LDLRAD3: variants seen among roughly 807,000 people sequenced by gnomAD.
LDLRAD3 encodes the protein low density lipoprotein receptor class A domain containing 3.
In LDLRAD3, 20 loss-of-function variants were observed where a neutral mutation model predicts 29.4. The observed-to-expected ratio is 0.68, with a 90% CI of 0.48 to 0.99. The LOEUF (loss-of-function observed/expected upper bound fraction) is 0.99. Among genes scored for constraint, LDLRAD3 ranks in the 50% least tolerant of loss-of-function variants. The probability of loss-of-function intolerance (pLI) is 0.00; values close to 1 mark genes in which losing one functional copy is unlikely to be tolerated. For synonymous variants in LDLRAD3, 157 were observed against 192.7 expected, an observed-to-expected ratio of 0.81 and a Z score of 1.53; for missense variants, 420 against 454.3, an observed-to-expected ratio of 0.92 and a Z score of 0.69.
rs538620933 is a variant in LDLRAD3, at chr11:36,085,436, T to A, written c.319+3658T>A. Among the ~76,000 whole-genome samples, 10 of 152,172 alleles carry A rather than the reference T, an allele frequency of 6.6e-5. No homozygotes were observed. In the East Asian group the frequency reaches 1.7e-3, roughly 26 times the overall value. Reference sequence around the variant, plus strand: ...TTGAGTTTATCCTGTTAGGGTTCTCTGAGCTATTTGAATCTGTAGGTTTTT... The same window carrying A: ...TTGAGTTTATCCTGTTAGGGTTCTCAGAGCTATTTGAATCTGTAGGTTTTT... On this transcript the variant is annotated intron_variant, in intron 3 of 5. Transcript: ENST00000315571.
chr11:36,127,439 C>T (rs1264844097), intron 4 of LDLRAD3, among the ~76,000 whole-genome samples: 1 of 152,178 alleles, frequency 6.6e-6, no homozygotes. Context: ...CTCAGTTTCA[C>T]CATCTGTAAA....
chr11:36,140,498 G>A (rs999851248), intron 4 of LDLRAD3, among the ~76,000 whole-genome samples: 4 of 152,192 alleles, frequency 2.6e-5, no homozygotes, highest in African/African-American at 7.2e-5. Flanking sequence ...GCACTATCAC[G>A]GTTCACTGCA....
chr11:36,092,422 A>G (rs1325806160), intron 3 of LDLRAD3, among the ~76,000 whole-genome samples: 1 of 152,138 alleles, frequency 6.6e-6, no homozygotes, highest in East Asian at 1.9e-4. Flanking sequence ...AGTGCAGTAC[A>G]TTTTTGTTAA....
At chr11:36,139,808 G>A (rs1854054629) in intron 4 of LDLRAD3, among the ~76,000 whole-genome samples, 1 of 152,186 alleles carries the variant, frequency 6.6e-6, no homozygotes, top group South Asian at 2.1e-4. Flanking sequence ...CTTTGAGAAT[G>A]GATGTTGGGA....
In LDLRAD3 at chr11:36,213,035, T is replaced by G. The variant is rs1429439269; in HGVS notation, c.455-14050T>G. Reference sequence around the variant, plus strand: ...AGTTTAGAACTTTCTTCTCTCTCTGTCTCTCTCTCCCCCACCCCTCTCTTT... The same window carrying G: ...AGTTTAGAACTTTCTTCTCTCTCTGGCTCTCTCTCCCCCACCCCTCTCTTT... On this transcript the variant is annotated intron_variant, in intron 4 of 5. Transcript: ENST00000315571. This position sits in a 1 kb window ranked among gnomAD's most constrained non-coding sequence, Gnocchi z 4.1. Among the ~76,000 whole-genome samples, 3 of 146,536 alleles carry G rather than the reference T, an allele frequency of 2.0e-5. No homozygotes were observed. The highest frequency in any genetic ancestry group is 5.5e-5 in the African/African-American group (2 of 36,558).
intron 4 of LDLRAD3, chr11:36,197,113 T>G (rs775112936): frequency 6.6e-6 from 1 of 152,184 alleles, no homozygotes; most frequent in Non-Finnish European, 1.5e-5. Flanking sequence ...ACATTAGGAC[T>G]TGTGTGAACC....
intron 4 of LDLRAD3, among the ~76,000 whole-genome samples, chr11:36,149,828 CTGTTCCTCATGACTCATGAATG>C: frequency 6.6e-6 from 1 of 152,300 alleles, no homozygotes; most frequent in South Asian, 2.1e-4. Flanking sequence ...GGCTCTGCGT[CTGTTCCTCATGACTCATGAATG>C]TGTTCCTCAT....
chr11:36,199,185 C>T (rs1484691210), intron 4 of LDLRAD3, among the ~76,000 whole-genome samples: 1 of 152,082 alleles, frequency 6.6e-6, no homozygotes, highest in Non-Finnish European at 1.5e-5. Flanking sequence ...CAGGCGTGAG[C>T]CACTGCGCCC....
At chr11:36,021,208 T>G (rs1852090281) in intron 1 of LDLRAD3, among the ~76,000 whole-genome samples, 1 of 152,098 alleles carries the variant, frequency 6.6e-6, no homozygotes. Context: ...GGAAGAGAAC[T>G]GAATTGGCGG....
chr11:36,191,403 C>A (rs1008260401), intron 4 of LDLRAD3, among the ~76,000 whole-genome samples: 1 of 151,364 alleles, frequency 6.6e-6, no homozygotes, highest in Non-Finnish European at 1.5e-5. Context: ...TATAGCTGGG[C>A]GTGGTGGTGC....
At position 36,227,355 on chromosome 11, in the gene LDLRAD3, T is replaced by A. The variant is rs1455833747; in HGVS notation, c.725T>A (p.Val242Glu). 97 of 1,613,970 alleles carry A rather than the reference T, an allele frequency of 6.0e-5. No homozygotes were observed. Among genetic ancestry groups the A allele is most frequent in the Non-Finnish European group, 8.1e-5 (95 of 1,180,004 alleles). The change falls in exon 5 of 6, where the codon GTG becomes GAG. Residue 242 changes from valine (V) to glutamate (E), a missense_variant. Transcript: ENST00000315571. ...TYNVNNGIQY[V>E]ASQAEQNASE... is the part of the protein sequence containing the mutation. ...AACGTCAATAATGGCATCCAGTATG[T>A]GGCCAGCCAGGCGGAGCAGAATGCG...
At chr11:36,035,652 G>A (rs1029193025) in intron 1 of LDLRAD3, among the ~76,000 whole-genome samples, 25 of 152,064 alleles carry the variant, frequency 1.6e-4, no homozygotes, top group African/African-American at 5.8e-4. Flanking sequence ...CTTCCAACTT[G>A]GCCCAACTTC....
chr11:36,078,411 C>G (rs1853052366), intron 2 of LDLRAD3, among the ~76,000 whole-genome samples: 1 of 152,216 alleles, frequency 6.6e-6, no homozygotes, highest in Non-Finnish European at 1.5e-5. Flanking sequence ...TGTCTTCACC[C>G]AAAGTCCGGA....
chr11:36,208,263 T>A (rs897738950), intron 4 of LDLRAD3, among the ~76,000 whole-genome samples: 1 of 152,224 alleles, frequency 6.6e-6, no homozygotes, highest in African/African-American at 2.4e-5. Context: ...TGCCTTTGTT[T>A]TGTGCTGGTG....
chr11:36,142,951 G>A (rs999412577), intron 4 of LDLRAD3, among the ~76,000 whole-genome samples: 7 of 152,158 alleles, frequency 4.6e-5, no homozygotes, highest in African/African-American at 7.2e-5. Context: ...CCACCCCAAT[G>A]GGATTTAGGT....
intron 5 of LDLRAD3, among the ~76,000 whole-genome samples, chr11:36,228,448 A>G (rs540834565): frequency 1.3e-4 from 20 of 152,340 alleles, no homozygotes; most frequent in African/African-American, 4.8e-4. Context: ...AAATCCCAGC[A>G]TTGCTGTTTA....
intron 2 of LDLRAD3, among the ~76,000 whole-genome samples, chr11:36,070,883 G>A (rs1852889519): frequency 6.6e-6 from 1 of 152,088 alleles, no homozygotes; most frequent in African/African-American, 2.4e-5. Flanking sequence ...CCTTTGTCAA[G>A]GTCCTTAGTC....
At chr11:36,071,865 G>A (rs1031053894) in intron 2 of LDLRAD3, among the ~76,000 whole-genome samples, 4 of 152,170 alleles carry the variant, frequency 2.6e-5, no homozygotes, top group Non-Finnish European at 5.9e-5. Flanking sequence ...TTTTAACAAG[G>A]TCCTGGGGCA....
At chr11:36,094,844 G>A (rs1172616111) in intron 3 of LDLRAD3, among the ~76,000 whole-genome samples, 1 of 152,132 alleles carries the variant, frequency 6.6e-6, no homozygotes, top group Non-Finnish European at 1.5e-5. Flanking sequence ...GCCCATTTTA[G>A]TCATTTCTGA....
Sources: allele counts gnomAD v4.1 joint callset (sites outside exome capture counted in the v4.1 genomes callset), GRCh38; gene constraint gnomAD v4.1.1; non-coding constraint Gnocchi (gnomAD v3.1); transcripts MANE v1.5; gene names NCBI Gene and HGNC (gene_info 2026-07-23, HGNC 2026-07-21).